Variants in KCNJ6 observed in about 807,000 individuals in gnomAD.
KCNJ6 encodes the protein G protein-activated inward rectifier potassium channel 2.
A neutral mutation model predicts 34.2 loss-of-function variants in KCNJ6; 9 were observed. The observed-to-expected ratio is 0.26, with a 90% CI of 0.16 to 0.46. The LOEUF is 0.46. KCNJ6 is among the 20% of genes least tolerant of loss of function. The probability of loss-of-function intolerance (pLI) is 1.00; values close to 1 mark genes in which losing one functional copy is unlikely to be tolerated. For missense variants in KCNJ6, 236 were observed against 531.3 expected, an observed-to-expected ratio of 0.44 and a Z score of 5.46; for synonymous variants, 196 against 207.1, an observed-to-expected ratio of 0.95 and a Z score of 0.46.
At chr21:37,798,201 G>A (rs909251737) in intron 2 of KCNJ6, among the ~76,000 whole-genome samples, 4 of 152,182 alleles carry the variant, frequency 2.6e-5, no homozygotes, top group Non-Finnish European at 2.9e-5. Context: ...CTTGGAACAC[G>A]TGGTTGGTGG....
Position 37,611,403 on chromosome 21 carries a change from T to A in KCNJ6, c.*13756A>T, listed in dbSNP as rs2054242232. On this transcript the variant is annotated 3_prime_UTR_variant, in exon 4 of 4. Transcript: ENST00000609713. The stretch of plus-strand genomic sequence containing the variant: ...GGCCCAGATGGGTTCACTGGTGAAT[T>A]CTACCAAAGACTTAAGGAAGAAATG... 1 of 152,200 alleles carries A rather than the reference T, an allele frequency of 6.6e-6. No individual in the cohort carries two copies. Among genetic ancestry groups the A allele is most frequent in the African/African-American group, 2.4e-5 (1 of 41,456 alleles). 9.4% of individuals were successfully genotyped at this position (152,200 alleles called of 1,614,324 possible). A position where few individuals can be genotyped will look rare whatever the true frequency, so the allele number is the denominator to read the frequency against.
At chr21:37,832,704 T>A (rs976434306) in intron 2 of KCNJ6, among the ~76,000 whole-genome samples, 1 of 152,122 alleles carries the variant, frequency 6.6e-6, no homozygotes, top group Non-Finnish European at 1.5e-5. Flanking sequence ...CAGCTCTGTA[T>A]CTGGTGGGGG....
At chr21:37,699,535 G>A (rs1298624283) in intron 3 of KCNJ6, among the ~76,000 whole-genome samples, 2 of 152,202 alleles carry the variant, frequency 1.3e-5, no homozygotes, top group African/African-American at 4.8e-5. Context: ...GCAGAGGGGA[G>A]GAGATTTGCC....
In KCNJ6 at chr21:37,652,583, G is replaced by A. The variant is rs2054438922; in HGVS notation, c.947-27099C>T. ...GAAGAGAGAGGTCAAATATTTGGGA[G>A]AAAGAGGGGATTATTTATAGTGTTT... On this transcript the variant is annotated intron_variant, in intron 3 of 3. Transcript: ENST00000609713. Among the ~76,000 whole-genome samples the A allele has an allele frequency of 2.0e-5, 3 of 152,250 alleles. No homozygotes were observed. In the South Asian group the frequency reaches 6.2e-4, roughly 32 times the overall value.
intron 1 of KCNJ6, among the ~76,000 whole-genome samples, chr21:37,892,136 G>A (rs1240953282): frequency 6.6e-6 from 1 of 152,218 alleles, no homozygotes; most frequent in Non-Finnish European, 1.5e-5. Context: ...CCAGTGCAGA[G>A]ACTGTTCCCC....
chr21:37,685,629 C>T (rs1443961456), intron 3 of KCNJ6, among the ~76,000 whole-genome samples: 2 of 109,864 alleles, frequency 1.8e-5, no homozygotes, highest in African/African-American at 3.2e-5. Flanking sequence ...TGCAGTGAGC[C>T]GAGATTGAGC....
chr21:37,633,736 A>G (rs907169981), intron 3 of KCNJ6, among the ~76,000 whole-genome samples: 2 of 152,192 alleles, frequency 1.3e-5, no homozygotes, highest in African/African-American at 4.8e-5. Flanking sequence ...CTAGAAATCA[A>G]TCTAATAATA....
At chr21:37,867,479 G>A (rs896650465) in intron 1 of KCNJ6, among the ~76,000 whole-genome samples, 3 of 152,202 alleles carry the variant, frequency 2.0e-5, no homozygotes, top group Non-Finnish European at 4.4e-5. Context: ...TGCCTTTTGA[G>A]AGTAATATCA....
chr21:37,731,373 G>C (rs1375252897), intron 2 of KCNJ6, among the ~76,000 whole-genome samples: 1 of 152,208 alleles, frequency 6.6e-6, no homozygotes, highest in Non-Finnish European at 1.5e-5. Flanking sequence ...GGCAGATTAA[G>C]ATCTGGTAAG....
chr21:37,725,984 CA>C (rs2054852422), intron 2 of KCNJ6, among the ~76,000 whole-genome samples: 2 of 152,212 alleles, frequency 1.3e-5, no homozygotes, highest in Admixed American at 6.5e-5. Context: ...CAGCTCACTG[CA>C]ACCTCTGCCT....
At chr21:37,780,906 A>C (rs2055166239) in intron 2 of KCNJ6, among the ~76,000 whole-genome samples, 1 of 152,242 alleles carries the variant, frequency 6.6e-6, no homozygotes, top group African/African-American at 2.4e-5. Context: ...AAAGTTTATT[A>C]ATTAGATAGA....
chr21:37,690,840 C>T lies in KCNJ6; in HGVS notation c.946+23371G>A, dbSNP rs138684805. Among the ~76,000 whole-genome samples the T allele has an allele frequency of 3.1e-3, 463 of 148,284 alleles. 4 individuals carry two copies. The highest frequency in any genetic ancestry group is 0.01 in the African/African-American group (419 of 39,968). ...TGTTGCCCAGGCTGGAGTGCAGTGG[C>T]GTGATCTTGGCTCACTGCAACCTCT... On this transcript the variant is annotated intron_variant, in intron 3 of 3. Coordinates refer to ENST00000609713, the MANE Select transcript of KCNJ6 (RefSeq NM_002240.5).
chr21:37,739,703 T>C (rs894286419), intron 2 of KCNJ6, among the ~76,000 whole-genome samples: 4 of 152,070 alleles, frequency 2.6e-5, no homozygotes, highest in African/African-American at 9.7e-5. Context: ...AATTTGTGCC[T>C]GATTGGAGAA....
At chr21:37,666,691 T>G (rs1011285597) in intron 3 of KCNJ6, among the ~76,000 whole-genome samples, 1 of 151,352 alleles carries the variant, frequency 6.6e-6, no homozygotes, top group Non-Finnish European at 1.5e-5. Context: ...ATGATGACGA[T>G]GGCAGTTTTG....
At chr21:37,830,091 C>T (rs3787840) in intron 2 of KCNJ6, among the ~76,000 whole-genome samples, 15,889 of 152,172 alleles carry the variant, frequency 0.1, 1,065 homozygotes, top group South Asian at 0.26. Flanking sequence ...TCCAACTCCC[C>T]GACAACACCA....
At chr21:37,740,355 G>A (rs1325021456) in intron 2 of KCNJ6, among the ~76,000 whole-genome samples, 1 of 152,142 alleles carries the variant, frequency 6.6e-6, no homozygotes, top group Non-Finnish European at 1.5e-5. Context: ...GCAACCTGGA[G>A]GCTTCAGCTG....
At chr21:37,883,410 C>T (rs566577523) in intron 1 of KCNJ6, among the ~76,000 whole-genome samples, 77 of 152,286 alleles carry the variant, frequency 5.1e-4, no homozygotes, top group Middle Eastern at 3.4e-3. Flanking sequence ...CAGATTACCC[C>T]TTTTAGCCCC....
intron 1 of KCNJ6, among the ~76,000 whole-genome samples, chr21:37,871,434 C>T: frequency 6.6e-6 from 1 of 152,198 alleles, no homozygotes; most frequent in African/African-American, 2.4e-5. Flanking sequence ...CCCTGTACAC[C>T]TCCCACCCAC....
rs2123538199 is a variant in KCNJ6 at position 37,807,508 on chromosome 21, G to T, written c.25+33150C>A. 1.3e-5 allele frequency among the ~76,000 whole-genome samples: 2 copies of T among 152,274 alleles called. 1 individual carries two copies. The highest frequency in any genetic ancestry group is 4.2e-4 in the South Asian group (2 of 4,818). On this transcript the variant is annotated intron_variant, in intron 2 of 3. Coordinates refer to ENST00000609713, the MANE Select transcript of KCNJ6 (RefSeq NM_002240.5). ...CTGTCATTGACGATGGACGACAGTG[G>T]TCCCGTAAGATTATAATACCACATT...
Sources: gnomAD v4.1 joint callset for allele counts (sites outside exome capture counted in the v4.1 genomes callset) on GRCh38, gnomAD v4.1.1 for gene constraint, MANE v1.5 for transcripts, NCBI Gene and HGNC (gene_info 2026-07-23, HGNC 2026-07-21) for gene names.